Variants in ADGRL3 observed in about 807,000 individuals in gnomAD.
ADGRL3 encodes the protein adhesion G protein-coupled receptor L3.
In ADGRL3, 62 loss-of-function variants were observed where a neutral mutation model predicts 153.5. The observed-to-expected ratio is 0.40, with a 90% confidence interval of 0.33 to 0.50. The LOEUF (loss-of-function observed/expected upper bound fraction) is 0.50. Ranked by LOEUF, ADGRL3 falls within the 20% of genes least tolerant of loss-of-function variation. The probability of loss-of-function intolerance (pLI) is 0.47; values close to 1 mark genes in which losing one functional copy is unlikely to be tolerated. For missense variants in ADGRL3, 1,641 were observed against 1,859.4 expected (o/e 0.88, Z 2.16); for synonymous variants, 710 against 672.5 (o/e 1.06, Z -0.86).
chr4:61,959,977 A>G (rs1371272993), intron 17 of ADGRL3, among the ~76,000 whole-genome samples: 1 of 152,174 alleles, frequency 6.6e-6, no homozygotes, highest in Admixed American at 6.5e-5. Context: ...ACTTTAACTA[A>G]TGTATTTATT....
chr4:61,706,879 C>T (rs2095866499), intron 6 of ADGRL3, among the ~76,000 whole-genome samples: 1 of 152,134 alleles, frequency 6.6e-6, no homozygotes, highest in Admixed American at 6.5e-5. Flanking sequence ...CTTGGCTAAC[C>T]ATTTTGCACC....
At chr4:61,373,701 G>A (rs537512279) in intron 1 of ADGRL3, among the ~76,000 whole-genome samples, 4 of 151,952 alleles carry the variant, frequency 2.6e-5, no homozygotes, top group Non-Finnish European at 5.9e-5. Flanking sequence ...CACTTTAATA[G>A]ACTTTTTTAC....
chr4:61,881,634 G>A (rs201398112), intron 9 of ADGRL3, among the ~76,000 whole-genome samples: 1 of 152,144 alleles, frequency 6.6e-6, no homozygotes, highest in African/African-American at 2.4e-5. Flanking sequence ...TGCCTCGGCC[G>A]CCCAAAGTGC....
intron 17 of ADGRL3, among the ~76,000 whole-genome samples, chr4:61,977,643 A>C (rs2099052801): frequency 6.6e-6 from 1 of 152,190 alleles, no homozygotes; most frequent in African/African-American, 2.4e-5. Context: ...CGTATCTGGC[A>C]GTATGAGGAG....
chr4:61,906,160 A>G (rs1183401516), intron 11 of ADGRL3, among the ~76,000 whole-genome samples: 2 of 151,858 alleles, frequency 1.3e-5, no homozygotes, highest in Non-Finnish European at 2.9e-5. Flanking sequence ...GTGTGTTTGT[A>G]TTTCTCAATA....
rs528203132 is a variant in ADGRL3 at position 62,023,266 on chromosome 4, A to G, written c.3396-5589A>G. Among the ~76,000 whole-genome samples the G allele has an allele frequency of 2.0e-5, 3 of 152,286 alleles. No homozygotes were observed. In the South Asian group the frequency reaches 6.2e-4, roughly 32 times the overall value. ...AAGTGGATCCTGAAGATGTGAATAAATTTCTGCAATCTCATCATCAAATTT... is the reference window on the plus strand; with the variant it reads ...AAGTGGATCCTGAAGATGTGAATAAGTTTCTGCAATCTCATCATCAAATTT... On this transcript the variant is annotated intron_variant, in intron 21 of 26. Coordinates refer to ENST00000683033, the MANE Select transcript of ADGRL3 (RefSeq NM_001387552.1).
At chr4:61,819,559 T>G (rs574052758) in intron 9 of ADGRL3, among the ~76,000 whole-genome samples, 1 of 152,282 alleles carries the variant, frequency 6.6e-6, no homozygotes, top group Non-Finnish European at 1.5e-5. Context: ...TATGTATTAA[T>G]TCCTTTTATA....
At chr4:61,646,624 G>A (rs2094000484) in intron 5 of ADGRL3, among the ~76,000 whole-genome samples, 6 of 151,964 alleles carry the variant, frequency 3.9e-5, no homozygotes, top group Admixed American at 6.5e-5. Flanking sequence ...TGAGGAGGCA[G>A]TCTGCCCGTT....
chr4:62,054,990 G>A (rs1423470288), intron 25 of ADGRL3, among the ~76,000 whole-genome samples: 1 of 151,720 alleles, frequency 6.6e-6, no homozygotes, highest in Non-Finnish European at 1.5e-5. Flanking sequence ...GAATTTGAGA[G>A]AATAAGTGCA....
rs397993633 is a variant in ADGRL3, at chr4:61,392,684, C to CAAAAAAAAAAAAAAAAAAAAAAAAAAAA, written c.-174+9517_-174+9518insAAAAAAAAAAAAAAAAAAAAAAAAAAAA. ...CTGGTGACAGAGCGAGACTCCATCTCAAAAAAAAAAAAAAAAAAAAAAGAA... is the reference window on the plus strand; with the variant it reads ...CTGGTGACAGAGCGAGACTCCATCTCAAAAAAAAAAAAAAAAAAAAAAAAAAAAAAAAAAAAAAAAAAAAAAAAAAGAA... On this transcript the variant is annotated intron_variant, in intron 2 of 26. Transcript: ENST00000683033. 3.7e-4 allele frequency among the ~76,000 whole-genome samples: 5 copies of CAAAAAAAAAAAAAAAAAAAAAAAAAAAA among 13,378 alleles called. 1 individual carries two copies. The highest frequency in any genetic ancestry group is 5.2e-4 in the Non-Finnish European group (3 of 5,762). The allele number at this position is 13,378 out of a possible 152,430, so 8.8% of individuals were successfully genotyped here.
intron 5 of ADGRL3, among the ~76,000 whole-genome samples, chr4:61,629,898 T>G (rs887735330): frequency 4.6e-5 from 7 of 152,062 alleles, no homozygotes; most frequent in Non-Finnish European, 8.8e-5. Flanking sequence ...TCTAATCAAT[T>G]CTGTCTAAAC....
chr4:61,673,237 A>G (rs1171127949), intron 5 of ADGRL3, among the ~76,000 whole-genome samples: 2 of 151,898 alleles, frequency 1.3e-5, no homozygotes, highest in Non-Finnish European at 2.9e-5. Flanking sequence ...GTAATGCAGA[A>G]TGAGTTAATT....
chr4:61,993,261 T>C (rs1255528980), intron 19 of ADGRL3, among the ~76,000 whole-genome samples: 1 of 148,892 alleles, frequency 6.7e-6, no homozygotes, highest in Non-Finnish European at 1.5e-5. Flanking sequence ...TTTTTTGTTT[T>C]TGTTTCTGTT....
chr4:61,877,764 G>T (rs377286925), intron 9 of ADGRL3, among the ~76,000 whole-genome samples: 2 of 151,984 alleles, frequency 1.3e-5, no homozygotes, highest in South Asian at 4.1e-4. Flanking sequence ...ATATGGTTTG[G>T]CTCTGTGTCA....
chr4:61,935,005 G>C lies in ADGRL3; in HGVS notation c.2278G>C (p.Glu760Gln), dbSNP rs374265476. ...CCTTTTGAAGACTGACATTGTCAGGGAGAATACAGACAATATTAGTAAGTG... is the reference window on the plus strand; with the variant it reads ...CCTTTTGAAGACTGACATTGTCAGGCAGAATACAGACAATATTAGTAAGTG... ...DNLLKTDIVRENTDNIKLEVA... is the reference protein window; with the variant it reads ...DNLLKTDIVRQNTDNIKLEVA... Residue 760 changes from glutamate to glutamine, a missense_variant, in exon 14 of 27, where the codon GAG (glutamate) becomes CAG (glutamine). Glu to Gln is a conservative substitution (Grantham distance 29). Transcript: ENST00000683033. 6.2e-7 allele frequency: 1 copy of C among 1,613,562 alleles called. No individual in the cohort carries two copies. The highest frequency in any genetic ancestry group is 1.3e-5 in the African/African-American group (1 of 74,880).
At chr4:61,417,656 G>A (rs949487781) in intron 2 of ADGRL3, among the ~76,000 whole-genome samples, 9 of 150,064 alleles carry the variant, frequency 6.0e-5, no homozygotes, top group Non-Finnish European at 1.2e-4. Flanking sequence ...CTTCTTTAAC[G>A]TTTAATAAAA....
At chr4:61,384,130 A>C (rs1377543439) in intron 2 of ADGRL3, among the ~76,000 whole-genome samples, 1 of 151,900 alleles carries the variant, frequency 6.6e-6, no homozygotes, top group Non-Finnish European at 1.5e-5. Context: ...GAGTGACTTA[A>C]AACTATAAAA....
chr4:61,633,102 A>T (rs1171158021), intron 5 of ADGRL3, among the ~76,000 whole-genome samples: 1 of 152,098 alleles, frequency 6.6e-6, no homozygotes, highest in African/African-American at 2.4e-5. Context: ...CATAATAGAG[A>T]AAGTCAATTG....
intron 8 of ADGRL3, among the ~76,000 whole-genome samples, chr4:61,765,343 G>A (rs2096963890): frequency 6.6e-6 from 1 of 152,114 alleles, no homozygotes; most frequent in East Asian, 1.9e-4. Flanking sequence ...GTCTATACAG[G>A]AGCTTAAATG....
Sources: gnomAD v4.1 joint callset for allele counts (sites outside exome capture counted in the v4.1 genomes callset) on GRCh38, gnomAD v4.1.1 for gene constraint, MANE v1.5 for transcripts, NCBI Gene and HGNC (gene_info 2026-07-23, HGNC 2026-07-21) for gene names.